PRKG1: variants seen among roughly 807,000 people sequenced by gnomAD.
PRKG1 encodes cGMP-dependent protein kinase 1.
Under a neutral mutation model 88.1 loss-of-function variants are expected in PRKG1, and 35 were observed. The ratio of observed to expected loss-of-function variants is 0.40; its 90% CI spans 0.30 to 0.53. The LOEUF is 0.53. PRKG1 is among the 20% of genes least tolerant of loss of function. The pLI is 0.59. For missense variants in PRKG1, 540 were observed against 839.8 expected, an observed-to-expected ratio of 0.64 and a Z score of 4.41; for synonymous variants, 303 against 292.5, an observed-to-expected ratio of 1.04 and a Z score of -0.37.
intron 5 of PRKG1, among the ~76,000 whole-genome samples, chr10:51,974,844 G>GA (rs1306919987): frequency 6.6e-6 from 1 of 152,046 alleles, no homozygotes; most frequent in Non-Finnish European, 1.5e-5. Flanking sequence ...TAAGGCCCTT[G>GA]AGGTTGTAAA....
chr10:51,516,541 A>G (rs1044039899), intron 3 of PRKG1, among the ~76,000 whole-genome samples: 1 of 152,148 alleles, frequency 6.6e-6, no homozygotes, highest in Non-Finnish European at 1.5e-5. Context: ...GGGTTTTGCC[A>G]GGGACCCACT....
At chr10:51,307,364 C>A (rs1841065373) in intron 2 of PRKG1, among the ~76,000 whole-genome samples, 1 of 152,114 alleles carries the variant, frequency 6.6e-6, no homozygotes, top group African/African-American at 2.4e-5. Flanking sequence ...GGTTAAGTAA[C>A]TTGCCCAAGG....
chr10:51,439,016 A>C (rs1839018435), intron 2 of PRKG1, among the ~76,000 whole-genome samples: 1 of 151,538 alleles, frequency 6.6e-6, no homozygotes, highest in Non-Finnish European at 1.5e-5. Flanking sequence ...TTTTTTTAAA[A>C]AAAAAGAGAA....
At chr10:52,239,896 G>T (rs1840814027) in intron 9 of PRKG1, among the ~76,000 whole-genome samples, 1 of 152,124 alleles carries the variant, frequency 6.6e-6, no homozygotes, top group Non-Finnish European at 1.5e-5. Context: ...CCTGTGATTT[G>T]TGGGAAAATG....
chr10:52,173,665 C>T (rs1205748484), intron 9 of PRKG1, among the ~76,000 whole-genome samples: 1 of 152,182 alleles, frequency 6.6e-6, no homozygotes, highest in African/African-American at 2.4e-5. Flanking sequence ...CATTAGTCAA[C>T]TTTATAAACT....
chr10:51,884,439 C>T (rs373517096), intron 4 of PRKG1, among the ~76,000 whole-genome samples: 8 of 51,274 alleles, frequency 1.6e-4, no homozygotes, highest in African/African-American at 5.6e-4. Context: ...AGTGAAACTC[C>T]GTCTCAAAAA....
intron 6 of PRKG1, among the ~76,000 whole-genome samples, chr10:52,059,834 T>C (rs1846194944): frequency 6.6e-6 from 1 of 151,952 alleles, no homozygotes. Flanking sequence ...TTCTAAATAC[T>C]GTAACATGTA....
chr10:51,846,316 A>G (rs1186149217), intron 4 of PRKG1, among the ~76,000 whole-genome samples: 1 of 152,196 alleles, frequency 6.6e-6, no homozygotes, highest in Non-Finnish European at 1.5e-5. Flanking sequence ...AACCAAAGAA[A>G]GGAAAACTAA....
intron 3 of PRKG1, among the ~76,000 whole-genome samples, chr10:51,627,990 TTCTC>T (rs1304960390): frequency 0.097 from 3,411 of 35,318 alleles, 220 homozygotes; most frequent in Admixed American, 0.15. Flanking sequence ...CTTTCTTTCT[TTCTC>T]TCTCTCTCTC....
At chr10:51,198,857 G>A (rs1220156156) in intron 2 of PRKG1, among the ~76,000 whole-genome samples, 3 of 152,158 alleles carry the variant, frequency 2.0e-5, no homozygotes, top group Non-Finnish European at 4.4e-5. Context: ...GTAAGATTTA[G>A]TTATCCGTAG....
chr10:52,262,700 A>G (rs1467938863), intron 10 of PRKG1, among the ~76,000 whole-genome samples: 1 of 152,090 alleles, frequency 6.6e-6, no homozygotes, highest in Non-Finnish European at 1.5e-5. Flanking sequence ...GATTGGTTCT[A>G]GGACCTGTCC....
At chr10:51,252,198 T>A (rs1256303799) in intron 2 of PRKG1, among the ~76,000 whole-genome samples, 1 of 151,780 alleles carries the variant, frequency 6.6e-6, no homozygotes, top group East Asian at 1.9e-4. Context: ...AAGTCTGGAA[T>A]CTGAGTGCTC....
chr10:51,595,551 AC>A (rs147902907), intron 3 of PRKG1, among the ~76,000 whole-genome samples: 10,444 of 151,834 alleles, frequency 0.069, 1,174 homozygotes, highest in African/African-American at 0.24. Flanking sequence ...AATCGCTTGA[AC>A]CTGGGAAGTA....
intron 2 of PRKG1, among the ~76,000 whole-genome samples, chr10:51,346,330 T>G (rs1263148975): frequency 6.6e-6 from 1 of 152,242 alleles, no homozygotes. Context: ...TGGGTTTTAT[T>G]TGAAGATAAA....
intron 3 of PRKG1, among the ~76,000 whole-genome samples, chr10:51,496,661 C>T (rs1028167980): frequency 4.6e-5 from 7 of 152,180 alleles, no homozygotes; most frequent in African/African-American, 1.4e-4. Flanking sequence ...CAGACCATTA[C>T]TGATGGCCAT....
chr10:51,216,786 C>T (rs904626440), intron 2 of PRKG1, among the ~76,000 whole-genome samples: 13 of 152,106 alleles, frequency 8.5e-5, no homozygotes, highest in Non-Finnish European at 1.8e-4. Context: ...GTAAATATTT[C>T]AGCTAATTCA....
intron 1 of PRKG1, among the ~76,000 whole-genome samples, chr10:51,147,079 T>C (rs1845962827): frequency 6.6e-6 from 1 of 152,108 alleles, no homozygotes; most frequent in Non-Finnish European, 1.5e-5. Context: ...CACTAATATG[T>C]AGATTGAATG....
intron 3 of PRKG1, among the ~76,000 whole-genome samples, chr10:51,745,332 A>G (rs1015523781): frequency 3.9e-5 from 6 of 151,962 alleles, no homozygotes; most frequent in African/African-American, 7.2e-5. Flanking sequence ...TGAAGACTTC[A>G]TTTTTTTAGA....
intron 3 of PRKG1, among the ~76,000 whole-genome samples, chr10:51,664,336 C>A (rs112829568): frequency 6.6e-6 from 1 of 152,080 alleles, no homozygotes; most frequent in Non-Finnish European, 1.5e-5. Context: ...AATTAATTTT[C>A]ATAGCCAAAT....
Sources: allele counts gnomAD v4.1 joint callset (sites outside exome capture counted in the v4.1 genomes callset), GRCh38; gene constraint gnomAD v4.1.1; transcripts MANE v1.5; gene names NCBI Gene and HGNC (gene_info 2026-07-23, HGNC 2026-07-21).